Variants in ERBB4 observed in about 807,000 individuals in gnomAD.
ERBB4 encodes receptor tyrosine-protein kinase erbB-4.
ERBB4 carries 42 observed loss-of-function variants against 158.0 expected under a neutral mutation model. The observed-to-expected ratio is 0.27, with a 90% CI of 0.21 to 0.34. The LOEUF (loss-of-function observed/expected upper bound fraction) is 0.34, where lower values mean the gene tolerates loss of function less well. Ranked by LOEUF, ERBB4 falls within the 10% of genes least tolerant of loss-of-function variation. The probability of loss-of-function intolerance (pLI) is 1.00; values close to 1 mark genes in which losing one functional copy is unlikely to be tolerated. For synonymous variants in ERBB4, 583 were observed against 558.7 expected (o/e 1.04, Z -0.61); for missense variants, 1,333 against 1,624.1 (o/e 0.82, Z 3.08).
At chr2:211,836,933 GAAGT>G (rs879367419) in intron 3 of ERBB4, among the ~76,000 whole-genome samples, 5 of 151,912 alleles carry the variant, frequency 3.3e-5, no homozygotes, top group Non-Finnish European at 7.4e-5. Context: ...AAGTACAGTA[GAAGT>G]AAGAGAAAAG....
At chr2:211,602,594 C>G (rs192442288) in intron 19 of ERBB4, among the ~76,000 whole-genome samples, 1 of 152,222 alleles carries the variant, frequency 6.6e-6, no homozygotes, top group African/African-American at 2.4e-5. Flanking sequence ...TAGGTAATCT[C>G]CCTCACCCTT....
In ERBB4 at chr2:211,705,103, C is replaced by T. The variant is rs9288438; in HGVS notation, c.1198+215G>A. 0.45 allele frequency among the ~76,000 whole-genome samples: 68,251 copies of T among 151,646 alleles called. 16,985 individuals are homozygous for T. Among genetic ancestry groups the T allele is most frequent in the Non-Finnish European group, 0.57 (38,864 of 67,916 alleles). On this transcript the variant is annotated intron_variant, in intron 10 of 27. Coordinates refer to ENST00000342788, the MANE Select transcript of ERBB4 (RefSeq NM_005235.3). ...TCCTGAGCAGCTGGGATTACAGGCA[C>T]GCGCCACCACACCCAGCTAATTTTT...
At chr2:211,441,217 C>T (rs1389517832) in intron 20 of ERBB4, among the ~76,000 whole-genome samples, 1 of 152,126 alleles carries the variant, frequency 6.6e-6, no homozygotes, top group East Asian at 1.9e-4. Flanking sequence ...CTAGTTCCTG[C>T]ATAAAGACTA....
chr2:211,486,068 T>C (rs1359185626), intron 20 of ERBB4, among the ~76,000 whole-genome samples: 4 of 152,144 alleles, frequency 2.6e-5, no homozygotes, highest in Non-Finnish European at 5.9e-5. Flanking sequence ...CTTGGCTCTA[T>C]AGTTGTATTT....
At chr2:211,772,898 CATATATATAT>C (rs71054142) in intron 4 of ERBB4, among the ~76,000 whole-genome samples, 1 of 48,100 alleles carries the variant, frequency 2.1e-5, no homozygotes, top group African/African-American at 8.1e-5. Flanking sequence ...CACACACACA[CATATATATAT>C]ACACACACAC....
chr2:212,153,906 AAACTGT>A (rs2125633805), intron 1 of ERBB4, among the ~76,000 whole-genome samples: 1 of 152,090 alleles, frequency 6.6e-6, no homozygotes, highest in Non-Finnish European at 1.5e-5. Context: ...GCAGATTATG[AAACTGT>A]AACTATTAAC....
intron 19 of ERBB4, among the ~76,000 whole-genome samples, chr2:211,583,962 T>A (rs185008831): frequency 7.3e-5 from 11 of 150,272 alleles, no homozygotes; most frequent in African/African-American, 2.4e-4. Context: ...TATTTTTCAT[T>A]TGGCTATGCA....
intron 12 of ERBB4, among the ~76,000 whole-genome samples, chr2:211,693,066 A>G (rs938640284): frequency 2.0e-5 from 3 of 152,206 alleles, no homozygotes; most frequent in African/African-American, 4.8e-5. Context: ...ACTCTTATAT[A>G]CCCTAGTTAC....
At chr2:212,527,035 G>A (rs574438741) in intron 1 of ERBB4, among the ~76,000 whole-genome samples, 49 of 152,046 alleles carry the variant, frequency 3.2e-4, no homozygotes, top group African/African-American at 1.1e-3. Context: ...AAAATCCAGC[G>A]AGTCCAGTAA....
chr2:212,428,085 A>C (rs2105929354), intron 1 of ERBB4, among the ~76,000 whole-genome samples: 1 of 152,284 alleles, frequency 6.6e-6, no homozygotes, highest in Non-Finnish European at 1.5e-5. Flanking sequence ...AAATATATAA[A>C]TAAAACTGAC....
At chr2:212,488,472 T>C (rs1222214671) in intron 1 of ERBB4, among the ~76,000 whole-genome samples, 1 of 151,984 alleles carries the variant, frequency 6.6e-6, no homozygotes, top group East Asian at 1.9e-4. Context: ...TCTCATCAGG[T>C]CACTTCTTCA....
At chr2:211,993,715 T>C (rs1040041582) in intron 2 of ERBB4, among the ~76,000 whole-genome samples, 1 of 151,896 alleles carries the variant, frequency 6.6e-6, no homozygotes, top group African/African-American at 2.4e-5. Context: ...GGTTATCTAT[T>C]ACAGGCAGAA....
At chr2:211,605,971 C>G (rs957993477) in intron 19 of ERBB4, among the ~76,000 whole-genome samples, 3 of 152,032 alleles carry the variant, frequency 2.0e-5, no homozygotes, top group Admixed American at 2.0e-4. Context: ...CTAATTAGTA[C>G]TTATAAAATT....
intron 17 of ERBB4, among the ~76,000 whole-genome samples, chr2:211,629,208 C>T (rs555550447): frequency 7.6e-4 from 115 of 152,210 alleles, no homozygotes; most frequent in Admixed American, 2.8e-3. Flanking sequence ...TCTCAGGATA[C>T]AAAATCAATG....
chr2:211,783,033 A>C (rs1023147009), intron 4 of ERBB4, among the ~76,000 whole-genome samples: 12 of 141,368 alleles, frequency 8.5e-5, no homozygotes, highest in African/African-American at 1.9e-4. Flanking sequence ...TTTGTGTCCT[A>C]TTTTATTTCA....
At chr2:211,871,709 T>C (rs1028279058) in intron 3 of ERBB4, among the ~76,000 whole-genome samples, 2 of 152,194 alleles carry the variant, frequency 1.3e-5, no homozygotes, top group Non-Finnish European at 2.9e-5. Context: ...TTCTCTAAGC[T>C]GTTTTCCATC....
intron 2 of ERBB4, among the ~76,000 whole-genome samples, chr2:211,996,460 C>T (rs1219299190): frequency 2.0e-5 from 3 of 151,966 alleles, no homozygotes; most frequent in Non-Finnish European, 2.9e-5. Flanking sequence ...TAAGAAGTTA[C>T]CTTTTTTGCT....
At chr2:211,852,282 A>T (rs1428040573) in intron 3 of ERBB4, among the ~76,000 whole-genome samples, 1 of 151,980 alleles carries the variant, frequency 6.6e-6, no homozygotes, top group African/African-American at 2.4e-5. Context: ...AAATCTTTTT[A>T]AAAAAATGAC....
Position 211,630,566 on chromosome 2 carries a change from C to G in ERBB4, c.1975G>C (p.Gly659Arg), listed in dbSNP as rs145978648. The change falls in exon 17 of 28, where the codon GGT becomes CGT. Residue 659 changes from glycine (G) to arginine (R), a missense_variant. Coordinates refer to ENST00000342788, the MANE Select transcript of ERBB4 (RefSeq NM_005235.3). ...RTPLIAAGVI[G>R]GLFILVIVGL... ...ACAATGACCAGAATGAAGAGCCCAC[C>G]AATTACTCCAGCTGCAATCAGGGGA... 1.2e-6 allele frequency: 2 copies of G among 1,612,936 alleles called. No individual in the cohort carries two copies. The highest frequency in any genetic ancestry group is 2.7e-5 in the African/African-American group (2 of 74,556).
Sources: allele counts gnomAD v4.1 joint callset (sites outside exome capture counted in the v4.1 genomes callset), GRCh38; gene constraint gnomAD v4.1.1; transcripts MANE v1.5; gene names NCBI Gene and HGNC (gene_info 2026-07-23, HGNC 2026-07-21).